GALM: variants seen among roughly 807,000 people sequenced by gnomAD.
The protein encoded by GALM is galactose mutarotase.
In GALM, 43 loss-of-function variants were observed where a neutral mutation model predicts 37.4. The observed-to-expected ratio is 1.15, with a 90% CI of 0.90 to 1.48. The LOEUF (loss-of-function observed/expected upper bound fraction) is 1.48. GALM is among the 40% of genes most tolerant of loss of function. The pLI is 0.00. For synonymous variants in GALM, 199 were observed against 170.6 expected (o/e 1.17, Z -1.30); for missense variants, 456 against 419.1 (o/e 1.09, Z -0.77).
intron 4 of GALM, among the ~76,000 whole-genome samples, chr2:38,726,290 G>C (rs1666485270): frequency 2.0e-5 from 3 of 149,518 alleles, no homozygotes; most frequent in Non-Finnish European, 3.0e-5. Flanking sequence ...GCAGTGGCGG[G>C]ATCTCGGCTC....
At chr2:38,717,763 G>C (rs1558594131) in intron 4 of GALM, among the ~76,000 whole-genome samples, 1 of 152,016 alleles carries the variant, frequency 6.6e-6, no homozygotes, top group Admixed American at 6.5e-5. Flanking sequence ...CCCAAGATCA[G>C]TGAGTAAGTC....
chr2:38,673,877 G>A (rs1238433101), intron 1 of GALM, among the ~76,000 whole-genome samples: 3 of 151,566 alleles, frequency 2.0e-5, no homozygotes, highest in East Asian at 3.8e-4. Flanking sequence ...ATGACATGGA[G>A]CAATCTGAAG....
intron 1 of GALM, among the ~76,000 whole-genome samples, chr2:38,674,612 A>T (rs1032601727): frequency 6.6e-6 from 1 of 152,130 alleles, no homozygotes; most frequent in African/African-American, 2.4e-5. Context: ...CCTCTGGCAA[A>T]CCTACTCTAT....
intron 2 of GALM, among the ~76,000 whole-genome samples, chr2:38,678,107 C>T (rs1260709081): frequency 1.3e-5 from 2 of 151,588 alleles, no homozygotes; most frequent in African/African-American, 4.9e-5. Context: ...ACCTCCACCT[C>T]CTGGGTTCAA....
rs533929764 is a variant in GALM, at chr2:38,675,771, G to A, written c.191-141G>A. 306 of 727,356 alleles carry A rather than the reference G, an allele frequency of 4.2e-4. No homozygotes were observed. In the Middle Eastern group the frequency reaches 4.5e-3, roughly 11 times the overall value. 45.1% of individuals were successfully genotyped at this position (727,356 alleles called of 1,614,324 possible). A position where few individuals can be genotyped will look rare whatever the true frequency, so the allele number is the denominator to read the frequency against. ...TTTTTAGTAGAGACAGGGTTTCACC[G>A]TGTTAGCCAGGATGGTCTCGATCTC... On this transcript the variant is annotated intron_variant, in intron 1 of 6. Coordinates refer to ENST00000272252, the MANE Select transcript of GALM (RefSeq NM_138801.3).
chr2:38,670,668 T>C (rs6751481), intron 1 of GALM, among the ~76,000 whole-genome samples: 74,124 of 152,010 alleles, frequency 0.49, 18,473 homozygotes, highest in South Asian at 0.61. Context: ...ACGTCTCTGA[T>C]CAGAGGGAGC....
At chr2:38,704,079 A>C (rs917913599) in intron 4 of GALM, among the ~76,000 whole-genome samples, 1 of 151,954 alleles carries the variant, frequency 6.6e-6, no homozygotes, top group Non-Finnish European at 1.5e-5. Flanking sequence ...ATTCTATGTA[A>C]AATCCTTTGT....
intron 4 of GALM, among the ~76,000 whole-genome samples, chr2:38,690,450 G>A (rs548436336): frequency 2.0e-5 from 3 of 151,912 alleles, no homozygotes; most frequent in Non-Finnish European, 4.4e-5. Flanking sequence ...GGGGCGGTGC[G>A]GGAGGGGATA....
intron 3 of GALM, among the ~76,000 whole-genome samples, chr2:38,686,261 T>TTTC (rs1665525443): frequency 5.2e-5 from 6 of 115,636 alleles, no homozygotes; most frequent in African/African-American, 1.6e-4. Context: ...TCTTTCTTTC[T>TTTC]TTCTTTCTTT....
intron 2 of GALM, 122 bp from the exon 3 acceptor site, chr2:38,681,158 A>G (rs1278588788): frequency 1.1e-5 from 9 of 831,748 alleles, no homozygotes; most frequent in Non-Finnish European, 2.0e-6. Context: ...GGCTATCATT[A>G]AAAAGTCTTA....
Position 38,678,078 on chromosome 2 carries a change from G to A in GALM, c.345+2012G>A, listed in dbSNP as rs555435169. 8.7e-5 allele frequency among the ~76,000 whole-genome samples: 13 copies of A among 150,090 alleles called. No homozygotes were observed. The East Asian group carries it at 9.9e-4, about 11-fold the overall frequency. ...ATTTTCCAGGCTGGAGTGCAATGGCGCCATCTCAGCTCACCACAACCTCCA... is the reference window on the plus strand; with the variant it reads ...ATTTTCCAGGCTGGAGTGCAATGGCACCATCTCAGCTCACCACAACCTCCA... On this transcript the variant is annotated intron_variant, in intron 2 of 6. Transcript: ENST00000272252.
intron 4 of GALM, among the ~76,000 whole-genome samples, chr2:38,710,902 T>C (rs1179859780): frequency 6.8e-6 from 1 of 147,138 alleles, no homozygotes; most frequent in Non-Finnish European, 1.5e-5. Context: ...TACAGGTGCC[T>C]GCCACCACAC....
intron 4 of GALM, among the ~76,000 whole-genome samples, chr2:38,715,611 T>A (rs1281751192): frequency 2.6e-5 from 4 of 152,180 alleles, no homozygotes; most frequent in Non-Finnish European, 5.9e-5. Flanking sequence ...CTAATTTTTG[T>A]ATTTTTTGTA....
chr2:38,702,915 T>TTA (rs200308718), intron 4 of GALM, among the ~76,000 whole-genome samples: 7 of 139,246 alleles, frequency 5.0e-5, no homozygotes, highest in African/African-American at 8.1e-5. Context: ...TACACTTTAT[T>TTA]TATATATATA....
At chr2:38,732,274 C>A (rs1244485099) in intron 6 of GALM, among the ~76,000 whole-genome samples, 1 of 152,150 alleles carries the variant, frequency 6.6e-6, no homozygotes, top group Non-Finnish European at 1.5e-5. Context: ...CCAGGCTGGT[C>A]TCAAAACCCC....
chr2:38,676,973 A>G (rs1051623387), intron 2 of GALM, among the ~76,000 whole-genome samples: 1 of 152,084 alleles, frequency 6.6e-6, no homozygotes, highest in African/African-American at 2.4e-5. Context: ...CTGCCCTTCC[A>G]CTGAAGTGCC....
chr2:38,731,780 C>T lies in GALM; in HGVS notation c.822C>T (p.Thr274=). The change falls in exon 6 of 7, where the codon ACC becomes ACT. Residue 274 remains threonine, a synonymous_variant. Transcript: ENST00000272252. The stretch of plus-strand genomic sequence containing the variant: ...GGCGGGTACTAGAAGTATACACCAC[C>T]CAGCCCGGGGTCCAGTTTTACACGG... ...ASGRVLEVYT[T]QPGVQFYTGN... is the part of the protein sequence containing the mutation. The T allele has an allele frequency of 6.2e-7, 1 of 1,614,018 alleles. No homozygotes were observed. The highest frequency in any genetic ancestry group is 8.5e-7 in the Non-Finnish European group (1 of 1,179,940).
intron 4 of GALM, among the ~76,000 whole-genome samples, chr2:38,721,406 T>C (rs1328367433): frequency 6.6e-6 from 1 of 152,216 alleles, no homozygotes; most frequent in Non-Finnish European, 1.5e-5. Context: ...CTTTGTTAAG[T>C]CATCCCCCGT....
intron 4 of GALM, among the ~76,000 whole-genome samples, chr2:38,693,466 G>C (rs775303015): frequency 7.1e-6 from 1 of 140,618 alleles, no homozygotes; most frequent in African/African-American, 2.8e-5. Flanking sequence ...CTGGGAAACA[G>C]AGCGAGACTC....
Sources: gnomAD v4.1 joint callset for allele counts (sites outside exome capture counted in the v4.1 genomes callset) on GRCh38, gnomAD v4.1.1 for gene constraint, MANE v1.5 for transcripts, NCBI Gene and HGNC (gene_info 2026-07-23, HGNC 2026-07-21) for gene names.